CUBN: variants seen among roughly 807,000 people sequenced by gnomAD.
CUBN encodes the protein 460 kDa receptor.
Under a neutral mutation model 405.3 loss-of-function variants are expected in CUBN, and 282 were observed. That is an observed-to-expected ratio of 0.70 (90% CI 0.63 to 0.77). The LOEUF is 0.77. Among genes scored for constraint, CUBN ranks in the 30% least tolerant of loss-of-function variants. The pLI, the probability that CUBN is intolerant of heterozygous loss-of-function variation, is 0.00. For synonymous variants in CUBN, 1,684 were observed against 1,617.0 expected (o/e 1.04, Z -0.99); for missense variants, 4,514 against 4,475.2 (o/e 1.01, Z -0.25).
chr10:17,063,760 C>G (rs1835552096), intron 22 of CUBN, among the ~76,000 whole-genome samples: 1 of 152,196 alleles, frequency 6.6e-6, no homozygotes, highest in Admixed American at 6.5e-5. Context: ...TCAGGAGGCC[C>G]TGCCTGTATT....
rs551656875 is a variant in CUBN, at chr10:16,931,084, A to T, written c.6124+2003T>A. Among the ~76,000 whole-genome samples the T allele has an allele frequency of 2.2e-3, 330 of 148,134 alleles. 2 individuals are homozygous for T. The highest frequency in any genetic ancestry group is 7.9e-3 in the African/African-American group (316 of 40,162). On this transcript the variant is annotated intron_variant, in intron 40 of 66. Transcript: ENST00000377833. ...ATCCTGGTTAACACAGTGAAACCCC[A>T]CCTCTACTAAAAATACAAAAAAAAA...
At chr10:16,924,290 G>A (rs929951188) in intron 43 of CUBN, among the ~76,000 whole-genome samples, 7 of 152,150 alleles carry the variant, frequency 4.6e-5, no homozygotes, top group African/African-American at 1.7e-4. Context: ...GCAATGGCGC[G>A]GGTGCCCACA....
At chr10:17,041,362 A>T in intron 26 of CUBN, 142 bp from the exon 27 acceptor site, 1 of 670,462 alleles carries the variant, frequency 1.5e-6, no homozygotes. Flanking sequence ...ATGTGTGTGT[A>T]TATATACACA....
At chr10:16,932,939 C>G in intron 40 of CUBN, 148 bp downstream of exon 40, 1 of 764,546 alleles carries the variant, frequency 1.3e-6, no homozygotes, top group Non-Finnish European at 2.3e-6. Context: ...GAAGTTGTAG[C>G]CATTTCTGGT....
rs1392338634 is a variant in CUBN, at chr10:16,851,444, C to T, written c.9455-1G>A. 2 of 1,614,032 alleles carry T rather than the reference C, an allele frequency of 1.2e-6. No individual in the cohort carries two copies. Among genetic ancestry groups the T allele is most frequent in the South Asian group, 2.2e-5 (2 of 91,088 alleles). On this transcript the variant is annotated splice_acceptor_variant, in intron 59 of 66. Coordinates refer to ENST00000377833, the MANE Select transcript of CUBN (RefSeq NM_001081.4). LOFTEE classifies it high-confidence loss of function. ...TAACCACCACATCCTTGCTGAGGCC[C>T]TGCATTAAAACAAAGACATCACTAT...
chr10:16,867,957 A>G (rs1224252484), intron 59 of CUBN, among the ~76,000 whole-genome samples: 1 of 152,230 alleles, frequency 6.6e-6, no homozygotes, highest in Non-Finnish European at 1.5e-5. Flanking sequence ...GAAAAAGAAA[A>G]ACAACTTGAA....
At chr10:16,860,378 G>A (rs1839979447) in intron 59 of CUBN, among the ~76,000 whole-genome samples, 1 of 152,048 alleles carries the variant, frequency 6.6e-6, no homozygotes, top group Non-Finnish European at 1.5e-5. Context: ...TAGAAATTAA[G>A]GCAAAAAGCA....
chr10:17,030,961 T>C (rs543815143), intron 27 of CUBN, among the ~76,000 whole-genome samples: 3 of 152,076 alleles, frequency 2.0e-5, no homozygotes, highest in African/African-American at 7.2e-5. Context: ...AACTCCAGGA[T>C]ACAGAAAGTC....
At chr10:17,118,300 C>T (rs1836951429) in intron 6 of CUBN, among the ~76,000 whole-genome samples, 1 of 152,086 alleles carries the variant, frequency 6.6e-6, no homozygotes. Context: ...TTCCCAAAAC[C>T]ACAAAATGAA....
chr10:16,900,730 G>A lies in CUBN; in HGVS notation c.8305C>T (p.Pro2769Ser). Residue 2769 changes from proline (P) to serine (S), a missense_variant, in exon 53 of 67, where the codon CCC (proline) becomes TCC (serine). Transcript: ENST00000377833. ...IIGQYCGNSNPRTIQSGSNQL... is the reference protein window; with the variant it reads ...IIGQYCGNSNSRTIQSGSNQL... Reference sequence around the variant, plus strand: ...TTGGAACCTGACTGTATTGTCCTGGGGTTTGAATTTCCACAGTATTGTCCT... The same window carrying A: ...TTGGAACCTGACTGTATTGTCCTGGAGTTTGAATTTCCACAGTATTGTCCT... 6.2e-7 allele frequency: 1 copy of A among 1,614,090 alleles called. No individual in the cohort carries two copies. Among genetic ancestry groups the A allele is most frequent in the Non-Finnish European group, 8.5e-7 (1 of 1,179,990 alleles).
chr10:17,043,717 A>C, intron 26 of CUBN, 110 bp downstream of exon 26: 1 of 1,472,756 alleles, frequency 6.8e-7, no homozygotes, highest in South Asian at 1.1e-5. Context: ...CACTCTAGGC[A>C]CTGAACAGCG....
intron 22 of CUBN, among the ~76,000 whole-genome samples, chr10:17,055,493 A>C (rs1473419233): frequency 6.6e-6 from 1 of 152,096 alleles, no homozygotes; most frequent in Non-Finnish European, 1.5e-5. Context: ...ACTTATTCAC[A>C]GTTATTGTCA....
At chr10:17,075,609 C>T (rs1483339343) in intron 17 of CUBN, among the ~76,000 whole-genome samples, 1 of 151,890 alleles carries the variant, frequency 6.6e-6, no homozygotes, top group Non-Finnish European at 1.5e-5. Context: ...TAATTGAAAC[C>T]ATTCTAAAGG....
chr10:17,124,521 T>G (rs7097595), intron 4 of CUBN, among the ~76,000 whole-genome samples: 2 of 151,748 alleles, frequency 1.3e-5, no homozygotes, highest in East Asian at 3.9e-4. Context: ...CGCTGCCTCC[T>G]GGGTCCATGC....
intron 28 of CUBN, among the ~76,000 whole-genome samples, chr10:17,010,622 G>C (rs1452552853): frequency 6.6e-6 from 1 of 152,006 alleles, no homozygotes; most frequent in East Asian, 1.9e-4. Flanking sequence ...TTGGATGACA[G>C]AGCAAGATCC....
intron 21 of CUBN, among the ~76,000 whole-genome samples, chr10:17,067,050 T>A (rs973728961): frequency 6.6e-6 from 1 of 152,108 alleles, no homozygotes; most frequent in Admixed American, 6.6e-5. Flanking sequence ...CGCTCATGAA[T>A]ACTTACAGGA....
chr10:17,070,272 T>G (rs933812621), intron 19 of CUBN, among the ~76,000 whole-genome samples: 1 of 152,222 alleles, frequency 6.6e-6, no homozygotes, highest in African/African-American at 2.4e-5. Context: ...TTATTGTAGC[T>G]TTGTTCTAAG....
Position 16,878,787 on chromosome 10 carries a change from G to A in CUBN, c.8906-1690C>T, listed in dbSNP as rs573791498. On this transcript the variant is annotated intron_variant, in intron 56 of 66. Coordinates refer to ENST00000377833, the MANE Select transcript of CUBN (RefSeq NM_001081.4). Reference sequence around the variant, plus strand: ...CCGCCTCTATGGATTTGTCTACTCCGGACATTTCACATGAATAAAATCATG... The same window carrying A: ...CCGCCTCTATGGATTTGTCTACTCCAGACATTTCACATGAATAAAATCATG... 3.3e-3 allele frequency among the ~76,000 whole-genome samples: 500 copies of A among 152,204 alleles called. 1 individual carries two copies. The highest frequency in any genetic ancestry group is 0.011 in the African/African-American group (466 of 41,544).
intron 4 of CUBN, among the ~76,000 whole-genome samples, chr10:17,124,934 C>T (rs1448268191): frequency 2.0e-5 from 3 of 151,706 alleles, no homozygotes; most frequent in African/African-American, 4.8e-5. Context: ...TGGGTTGAAG[C>T]GATTCTCATG....
Sources: allele counts gnomAD v4.1 joint callset (sites outside exome capture counted in the v4.1 genomes callset), GRCh38; gene constraint gnomAD v4.1.1; transcripts MANE v1.5; gene names NCBI Gene and HGNC (gene_info 2026-07-23, HGNC 2026-07-21).